Variants in MYO10 observed in about 807,000 individuals in gnomAD.
The protein encoded by MYO10 is myosin X, also known as unconventional myosin-X.
In MYO10, 133 loss-of-function variants were observed where a neutral mutation model predicts 257.3. The ratio of observed to expected loss-of-function variants is 0.52; its 90% CI spans 0.45 to 0.60. The LOEUF (loss-of-function observed/expected upper bound fraction) is 0.60, where lower values mean the gene tolerates loss of function less well. MYO10 is among the 20% of genes least tolerant of loss of function. The pLI, the probability that MYO10 is intolerant of heterozygous loss-of-function variation, is 0.00. For missense variants in MYO10, 2,399 were observed against 2,635.7 expected (o/e 0.91, Z 1.97); for synonymous variants, 1,104 against 1,028.6 (o/e 1.07, Z -1.40).
intron 2 of MYO10, among the ~76,000 whole-genome samples, chr5:16,856,321 G>A (rs1009025012): frequency 2.0e-5 from 3 of 152,168 alleles, no homozygotes; most frequent in African/African-American, 7.2e-5. Context: ...CATTTCAGGA[G>A]GCTGCATCAT....
intron 19 of MYO10, among the ~76,000 whole-genome samples, chr5:16,735,770 T>A (rs1739772284): frequency 6.6e-6 from 1 of 151,970 alleles, no homozygotes; most frequent in South Asian, 2.1e-4. Context: ...ATCCTCCCTG[T>A]CTGTCTCCGC....
intron 19 of MYO10, among the ~76,000 whole-genome samples, chr5:16,726,002 C>T (rs1463626823): frequency 6.6e-6 from 1 of 152,064 alleles, no homozygotes; most frequent in Non-Finnish European, 1.5e-5. Flanking sequence ...CCAGGCTGGT[C>T]TCAAACTTCT....
At position 16,672,706 on chromosome 5, in the gene MYO10, G is replaced by A; in HGVS notation, c.5292C>T (p.Val1764=). 6.2e-7 allele frequency: 1 copy of A among 1,614,034 alleles called. No individual in the cohort carries two copies. The highest frequency in any genetic ancestry group is 1.1e-5 in the South Asian group (1 of 91,086). Residue 1764 remains valine (V), a synonymous_variant, in exon 37 of 41, where the codon GTC becomes GTT. Transcript: ENST00000513610. ...GAACCTACTTTTCAAACTTGGCTAA[G>A]ACATCAGCTACGACGGTTCGACTTT... is the stretch of plus-strand genomic sequence containing the variant. The part of the protein sequence containing the change: ...AIESRTVVAD[V]LAKFEKLAAT...
chr5:16,690,458 G>C (rs1294005665), intron 27 of MYO10, among the ~76,000 whole-genome samples: 1 of 152,182 alleles, frequency 6.6e-6, no homozygotes, highest in Non-Finnish European at 1.5e-5. Flanking sequence ...TGCCCAGGGA[G>C]GAGGCTGCTG....
chr5:16,906,869 T>A (rs142054396), intron 1 of MYO10, among the ~76,000 whole-genome samples: 5,653 of 152,192 alleles, frequency 0.037, 147 homozygotes, highest in Middle Eastern at 0.095. Context: ...CCGAGCACTT[T>A]GGGAGGCCGA....
chr5:16,812,520 C>G (rs771597315), intron 3 of MYO10, among the ~76,000 whole-genome samples: 1 of 152,174 alleles, frequency 6.6e-6, no homozygotes, highest in Non-Finnish European at 1.5e-5. Flanking sequence ...ATCACATAAC[C>G]CTCAATGACA....
chr5:16,677,177 G>A (rs2126483612), intron 33 of MYO10, among the ~76,000 whole-genome samples: 1 of 152,188 alleles, frequency 6.6e-6, no homozygotes, highest in African/African-American at 2.4e-5. Context: ...TGGAGGAGAG[G>A]TAATGAATCA....
At chr5:16,717,123 C>T (rs145804265) in intron 19 of MYO10, among the ~76,000 whole-genome samples, 358 of 152,310 alleles carry the variant, frequency 2.4e-3, no homozygotes, top group African/African-American at 8.1e-3. Context: ...AGGCTTGGGC[C>T]ACCACGCGCG....
intron 2 of MYO10, among the ~76,000 whole-genome samples, chr5:16,848,198 G>A (rs1015233263): frequency 4.7e-5 from 6 of 126,452 alleles, no homozygotes; most frequent in East Asian, 2.5e-4. Context: ...TGCTCTTGTC[G>A]CCCATGCTAG....
At chr5:16,760,982 A>ATTAATTT (rs1553993464) in intron 17 of MYO10, among the ~76,000 whole-genome samples, 1 of 138,106 alleles carries the variant, frequency 7.2e-6, no homozygotes, top group African/African-American at 3.0e-5. Flanking sequence ...TATTATTATT[A>ATTAATTT]ATTTATTTAT....
chr5:16,745,531 A>T (rs746581853), intron 19 of MYO10, among the ~76,000 whole-genome samples: 8 of 151,950 alleles, frequency 5.3e-5, no homozygotes, highest in Non-Finnish European at 8.8e-5. Flanking sequence ...ATGAAAAATT[A>T]AAAAATTAGC....
intron 2 of MYO10, among the ~76,000 whole-genome samples, chr5:16,874,346 G>GT (rs1049726827): frequency 3.1e-5 from 1 of 32,202 alleles, no homozygotes; most frequent in African/African-American, 1.4e-4. Context: ...AAAAAAAGCG[G>GT]GGGGGGGGGG....
At chr5:16,666,841 G>T in intron 40 of MYO10, 48 bp from the exon 41 acceptor site, 2 of 1,451,628 alleles carry the variant, frequency 1.4e-6, no homozygotes, top group Non-Finnish European at 1.9e-6. Context: ...GTCTCCCCCA[G>T]GCAAAGGGCC....
intron 27 of MYO10, among the ~76,000 whole-genome samples, chr5:16,691,850 T>C (rs1737524205): frequency 1.3e-5 from 2 of 152,280 alleles, no homozygotes; most frequent in South Asian, 4.1e-4. Context: ...TCTCTAGGTC[T>C]AATGACCAAT....
intron 1 of MYO10, among the ~76,000 whole-genome samples, chr5:16,917,766 C>A (rs1024448730): frequency 6.6e-6 from 1 of 151,790 alleles, no homozygotes; most frequent in African/African-American, 2.4e-5. Context: ...CCCAGCTACT[C>A]AAAAGGCCGA....
chr5:16,756,149 G>A (rs1014704228), intron 18 of MYO10, among the ~76,000 whole-genome samples: 1 of 151,998 alleles, frequency 6.6e-6, no homozygotes, highest in East Asian at 1.9e-4. Flanking sequence ...CACAGCTCAC[G>A]GCAGCTTCAA....
intron 27 of MYO10, among the ~76,000 whole-genome samples, chr5:16,692,769 G>A (rs1737566011): frequency 7.1e-6 from 1 of 140,440 alleles, no homozygotes; most frequent in Non-Finnish European, 1.6e-5. Flanking sequence ...ATAACTCACT[G>A]TTCCTGTTCT....
chr5:16,896,703 GA>G (rs1745228893), intron 1 of MYO10, among the ~76,000 whole-genome samples: 2 of 152,294 alleles, frequency 1.3e-5, no homozygotes, highest in South Asian at 4.1e-4. Flanking sequence ...TGCAGAAGTG[GA>G]ATGACAGGAG....
chr5:16,814,350 A>G (rs944921999), intron 3 of MYO10, among the ~76,000 whole-genome samples: 5 of 151,626 alleles, frequency 3.3e-5, no homozygotes, highest in South Asian at 2.1e-4. Flanking sequence ...GGGTTTCACC[A>G]TGTTAGCCAG....
Sources: allele counts gnomAD v4.1 joint callset (sites outside exome capture counted in the v4.1 genomes callset), GRCh38; gene constraint gnomAD v4.1.1; transcripts MANE v1.5; gene names NCBI Gene and HGNC (gene_info 2026-07-23, HGNC 2026-07-21).